The following DYNC1I2 variants were observed in gnomAD, a reference collection of about 807,000 sequenced individuals.
DYNC1I2 encodes the protein dynein cytoplasmic 1 intermediate chain 2.
DYNC1I2 carries 53 observed loss-of-function variants against 88.6 expected under a neutral mutation model. The observed-to-expected ratio is 0.60, with a 90% CI of 0.48 to 0.75. The LOEUF is 0.75. Ranked by LOEUF, DYNC1I2 falls within the 30% of genes least tolerant of loss-of-function variation. DYNC1I2 has a pLI of 0.00. For missense variants in DYNC1I2, 458 were observed against 766.6 expected (o/e 0.60, Z 4.75); for synonymous variants, 198 against 254.6 (o/e 0.78, Z 2.12).
intron 5 of DYNC1I2, among the ~76,000 whole-genome samples, chr2:171,710,128 C>T (rs1262370801): frequency 2.8e-3 from 178 of 63,866 alleles, no homozygotes; most frequent in African/African-American, 6.8e-3. Flanking sequence ...TATATACACA[C>T]ACACACACAC....
intron 5 of DYNC1I2, among the ~76,000 whole-genome samples, chr2:171,709,491 A>C (rs745833205): frequency 5.3e-5 from 8 of 152,304 alleles, no homozygotes; most frequent in Non-Finnish European, 1.2e-4. Flanking sequence ...CATTGTAGTG[A>C]TTACATCATT....
At chr2:171,721,122 A>T (rs1207518427) in intron 7 of DYNC1I2, among the ~76,000 whole-genome samples, 3 of 15,606 alleles carry the variant, frequency 1.9e-4, no homozygotes, top group South Asian at 1.1e-3. Flanking sequence ...CCCATCTCTT[A>T]AAAAAAAAAA....
intron 3 of DYNC1I2, chr2:171,693,201 A>G (rs994110989): frequency 1.6e-5 from 5 of 304,144 alleles, no homozygotes; most frequent in African/African-American, 4.4e-5. Flanking sequence ...TGTTAAGCTC[A>G]AAGATAACTA....
chr2:171,740,318 G>A (rs1689335618), intron 15 of DYNC1I2, among the ~76,000 whole-genome samples: 1 of 152,156 alleles, frequency 6.6e-6, no homozygotes, highest in South Asian at 2.1e-4. Context: ...GATGCAGAAG[G>A]TGCCCACAGG....
At chr2:171,719,964 C>G (rs1687793748) in intron 7 of DYNC1I2, among the ~76,000 whole-genome samples, 1 of 151,582 alleles carries the variant, frequency 6.6e-6, no homozygotes, top group African/African-American at 2.4e-5. Flanking sequence ...CTTTCTTTAC[C>G]TTTTTAAAAG....
At chr2:171,727,725 TG>T in intron 11 of DYNC1I2, 95 bp from the exon 12 acceptor site, 1 of 1,175,200 alleles carries the variant, frequency 8.5e-7, no homozygotes, top group South Asian at 1.6e-5. Context: ...TACCATACAA[TG>T]AAGAAAGAAA....
At chr2:171,706,981 G>C in intron 4 of DYNC1I2, 1 of 483,760 alleles carries the variant, frequency 2.1e-6, no homozygotes, top group South Asian at 2.7e-5. Flanking sequence ...TTGAAAATTA[G>C]TGGCCACATT....
chr2:171,742,701 CTT>C (rs1689530198), intron 15 of DYNC1I2, among the ~76,000 whole-genome samples: 1 of 152,200 alleles, frequency 6.6e-6, no homozygotes. Flanking sequence ...AAAGCTGTCT[CTT>C]CTCTGGCTTT....
At chr2:171,711,671 A>G (rs1204937224) in intron 5 of DYNC1I2, among the ~76,000 whole-genome samples, 1 of 152,162 alleles carries the variant, frequency 6.6e-6, no homozygotes. Context: ...TTAAATTCCA[A>G]GATCTTTCTT....
chr2:171,704,923 T>G (rs1574532351), intron 3 of DYNC1I2, among the ~76,000 whole-genome samples: 1 of 152,158 alleles, frequency 6.6e-6, no homozygotes, highest in South Asian at 2.1e-4. Flanking sequence ...TCTAGGATTG[T>G]CCCTTCTGTG....
At chr2:171,736,059 TTAG>T (rs1208390956) in intron 15 of DYNC1I2, among the ~76,000 whole-genome samples, 1 of 152,222 alleles carries the variant, frequency 6.6e-6, no homozygotes, top group African/African-American at 2.4e-5. Context: ...AATAGCTTAC[TTAG>T]TTAACTCTCA....
intron 15 of DYNC1I2, among the ~76,000 whole-genome samples, chr2:171,735,742 A>C (rs1038690437): frequency 6.6e-6 from 1 of 152,232 alleles, no homozygotes; most frequent in Non-Finnish European, 1.5e-5. Context: ...AAGCTTCTGC[A>C]GGGTAACAAG....
intron 3 of DYNC1I2, among the ~76,000 whole-genome samples, chr2:171,694,628 G>T (rs1234052364): frequency 4.6e-5 from 7 of 152,144 alleles, no homozygotes; most frequent in Non-Finnish European, 1.0e-4. Flanking sequence ...TTGCACTCCA[G>T]TGTGGGCAAC....
At chr2:171,715,226 A>G in intron 6 of DYNC1I2, 102 bp from the exon 7 acceptor site, 1 of 635,252 alleles carries the variant, frequency 1.6e-6, no homozygotes, top group Non-Finnish European at 2.6e-6. Context: ...AAATGGATTG[A>G]AATTACAATG....
intron 3 of DYNC1I2, among the ~76,000 whole-genome samples, chr2:171,696,327 A>G (rs1276359310): frequency 1.3e-5 from 2 of 152,206 alleles, no homozygotes; most frequent in Admixed American, 1.3e-4. Flanking sequence ...ACTCAAAAGA[A>G]ATACTGATTA....
Position 171,749,615 on chromosome 2 carries a change from G to C in DYNC1I2, c.*1726G>C, listed in dbSNP as rs1689986277. On this transcript the variant is annotated 3_prime_UTR_variant, in exon 18 of 18. Transcript: ENST00000397119. ...TGTTAAAACATAATGGATAAGAAAA[G>C]GTTGGAAATCATATGGCAAATCACA... Among the ~76,000 whole-genome samples, 1 of 152,068 alleles carries C rather than the reference G, an allele frequency of 6.6e-6. No individual in the cohort carries two copies. The highest frequency in any genetic ancestry group is 1.5e-5 in the Non-Finnish European group (1 of 67,968).
chr2:171,725,578 GT>G (rs749337037), intron 7 of DYNC1I2, 39 bp from the exon 8 acceptor site: 5 of 1,152,688 alleles, frequency 4.3e-6, no homozygotes, highest in South Asian at 3.4e-5. Flanking sequence ...ATATCATTCT[GT>G]TTTTTTGTTT....
rs140221983 is a variant in DYNC1I2, at chr2:171,718,966, G to A, written c.511+3523G>A. ...GTAAACCAAATATGACTGATTCTACGATGTGCTTTCTCTTGCCACTGAAGT... is the reference window on the plus strand; with the variant it reads ...GTAAACCAAATATGACTGATTCTACAATGTGCTTTCTCTTGCCACTGAAGT... On this transcript the variant is annotated intron_variant, in intron 7 of 17. Transcript: ENST00000397119. Among the ~76,000 whole-genome samples the A allele has an allele frequency of 3.5e-3, 532 of 152,250 alleles. 6 individuals carry two copies. The highest frequency in any genetic ancestry group is 0.012 in the African/African-American group (513 of 41,526).
intron 5 of DYNC1I2, 29 bp downstream of exon 5, chr2:171,707,406 A>G (rs1265124009): frequency 1.3e-6 from 2 of 1,596,034 alleles, no homozygotes; most frequent in Non-Finnish European, 1.7e-6. Context: ...TAATGTTTTA[A>G]TGATAGAATG....
Sources: allele counts gnomAD v4.1 joint callset (sites outside exome capture counted in the v4.1 genomes callset), GRCh38; gene constraint gnomAD v4.1.1; transcripts MANE v1.5; gene names NCBI Gene and HGNC (gene_info 2026-07-23, HGNC 2026-07-21).